MLEC: variants seen among roughly 807,000 people sequenced by gnomAD.
MLEC encodes oligosaccharyltransferase complex subunit (non-catalytic).
A neutral mutation model predicts 28.7 loss-of-function variants in MLEC; 7 were observed. That is an observed-to-expected ratio of 0.24 (90% CI 0.14 to 0.46). MLEC has a LOEUF of 0.46. Among genes scored for constraint, MLEC ranks in the 20% least tolerant of loss-of-function variants. The pLI is 0.99. For missense variants in MLEC, 237 were observed against 391.1 expected, an observed-to-expected ratio of 0.61 and a Z score of 3.32; for synonymous variants, 142 against 164.4, an observed-to-expected ratio of 0.86 and a Z score of 1.04.
At position 120,697,435 on chromosome 12, in the gene MLEC, TCTC is replaced by T. The variant is rs1409423700; in HGVS notation, c.*893_*895del. 2 of 152,678 alleles carry T rather than the reference TCTC, an allele frequency of 1.3e-5. No individual in the cohort carries two copies. Among genetic ancestry groups the T allele is most frequent in the Non-Finnish European group, 2.9e-5 (2 of 68,080 alleles). The allele number at this position is 152,678 out of a possible 1,614,324, so 9.5% of individuals were successfully genotyped here. On this transcript the variant is annotated 3_prime_UTR_variant, in exon 5 of 5. Transcript: ENST00000228506. This position sits in a 1 kb window ranked among gnomAD's most constrained non-coding sequence, Gnocchi z 4.8. Reference sequence around the variant, plus strand: ...TTTGGGGTTCTCTGCTTGAATGTCTTCTCCTTTACCACCTCACCTTGTTGGTAC... The same window carrying T: ...TTTGGGGTTCTCTGCTTGAATGTCTTCTTTACCACCTCACCTTGTTGGTAC...
At chr12:120,688,042 T>A (rs905668506) in intron 1 of MLEC, among the ~76,000 whole-genome samples, 3 of 152,202 alleles carry the variant, frequency 2.0e-5, no homozygotes, top group African/African-American at 7.2e-5. Context: ...CCCGCCCTCT[T>A]TTCGAGCGAA....
Position 120,687,392 on chromosome 12 carries a change from C to T in MLEC, c.96C>T (p.Gly32=). The T allele has an allele frequency of 7.3e-7, 1 of 1,368,642 alleles. No homozygotes were observed. The highest frequency in any genetic ancestry group is 9.4e-7 in the Non-Finnish European group (1 of 1,063,184). 84.8% of individuals were successfully genotyped at this position (1,368,642 alleles called of 1,614,324 possible). The change falls in exon 1 of 5, where the codon GGC becomes GGT. Residue 32 remains glycine (G), a synonymous_variant. Coordinates refer to ENST00000228506, the MANE Select transcript of MLEC (RefSeq NM_014730.4). This position sits in a 1 kb window ranked among gnomAD's most constrained non-coding sequence, Gnocchi z 8.1. ...CGGCGATCCGGGGACCCGGGCTCGG[C>T]GTGGCCGGCGTGGCCGGCGCGGCGG... ...LPPAIRGPGL[G]VAGVAGAAGA...
rs558585649 is a variant in MLEC, at chr12:120,687,187, C to T, written c.-110C>T. 8.3e-6 allele frequency: 10 copies of T among 1,204,296 alleles called. No homozygotes were observed. Among genetic ancestry groups the T allele is most frequent in the Middle Eastern group, 3.1e-4 (1 of 3,236 alleles). The allele number at this position is 1,204,296 out of a possible 1,614,324, so 74.6% of individuals were successfully genotyped here. ...AGGAGGCCTGAGAGCGACATGTCCC[C>T]GGCGGCTCAGGCGGAGCGGCCCGTG... On this transcript the variant is annotated 5_prime_UTR_variant, in exon 1 of 5. Coordinates refer to ENST00000228506, the MANE Select transcript of MLEC (RefSeq NM_014730.4). The surrounding 1 kb of genome is among the most constrained non-coding windows in gnomAD (Gnocchi z 8.1).
Position 120,696,425 on chromosome 12 carries a change from G to C in MLEC, c.759G>C (p.Arg253=), listed in dbSNP as rs149055414. The C allele has an allele frequency of 4.3e-5, 69 of 1,614,076 alleles. No homozygotes were observed. The Admixed American group carries it at 8.0e-4, about 19-fold the overall frequency. ...SNLKKQTNKN[R]VQSGPRTPNP... is the part of the protein sequence containing the mutation. The stretch of plus-strand genomic sequence containing the variant: ...TCAAAAAACAGACCAATAAGAACCG[G>C]GTGCAGTCAGGCCCCCGCACACCCA... Residue 253 remains arginine (R), a synonymous_variant, in exon 5 of 5, where the codon CGG becomes CGC. Coordinates refer to ENST00000228506, the MANE Select transcript of MLEC (RefSeq NM_014730.4). The surrounding 1 kb of genome is among the most constrained non-coding windows in gnomAD (Gnocchi z 5.4).
rs781322742 is a variant in MLEC, at chr12:120,687,420, G to T, written c.124G>T (p.Ala42Ser). The T allele has an allele frequency of 7.2e-7, 1 of 1,397,718 alleles. No homozygotes were observed. Among genetic ancestry groups the T allele is most frequent in the South Asian group, 1.9e-5 (1 of 51,724 alleles). 86.6% of individuals were successfully genotyped at this position (1,397,718 alleles called of 1,614,324 possible). A position where few individuals can be genotyped will look rare whatever the true frequency, so the allele number is the denominator to read the frequency against. The change falls in exon 1 of 5, where the codon GCC becomes TCC. Residue 42 changes from alanine (A) to serine (S), a missense_variant. Coordinates refer to ENST00000228506, the MANE Select transcript of MLEC (RefSeq NM_014730.4). The surrounding 1 kb of genome is among the most constrained non-coding windows in gnomAD (Gnocchi z 8.1). ...GGCCGGCGTGGCCGGCGCGGCGGGG[G>T]CCGGGCTGCCCGAGAGCGTCATTTG... is the stretch of plus-strand genomic sequence containing the variant. ...GVAGVAGAAG[A>S]GLPESVIWAV...
In MLEC at chr12:120,696,378, G is replaced by T; in HGVS notation, c.712G>T (p.Glu238Ter). The T allele has an allele frequency of 6.2e-7, 1 of 1,614,144 alleles. No individual in the cohort carries two copies. The highest frequency in any genetic ancestry group is 8.5e-7 in the Non-Finnish European group (1 of 1,180,020). Residue 238 changes from glutamate to a stop codon, truncating the protein, a stop_gained, in exon 5 of 5, where the codon GAA becomes TAA. Coordinates refer to ENST00000228506, the MANE Select transcript of MLEC (RefSeq NM_014730.4). LOFTEE classifies it high-confidence loss of function. The surrounding 1 kb of genome is among the most constrained non-coding windows in gnomAD (Gnocchi z 5.4). The stretch of plus-strand genomic sequence containing the variant: ...GAAAGAAGAGGAAGAAGAAGAAGAA[G>T]AATATGATGAAGGGTCTAATCTCAA... Reference protein sequence around the residue: ...EKKEEEEEEEEYDEGSNLKKQ... With the variant: ...EKKEEEEEEE
Position 120,696,558 on chromosome 12 carries a change from A to G in MLEC, c.*13A>G, listed in dbSNP as rs983284109. On this transcript the variant is annotated 3_prime_UTR_variant, in exon 5 of 5. Coordinates refer to ENST00000228506, the MANE Select transcript of MLEC (RefSeq NM_014730.4). This position sits in a 1 kb window ranked among gnomAD's most constrained non-coding sequence, Gnocchi z 5.4. ...CTGCCGGTTGTGAGAACAAATGACTATCCTGAACAGGGTGGAGGGGTGTGG... is the reference window on the plus strand; with the variant it reads ...CTGCCGGTTGTGAGAACAAATGACTGTCCTGAACAGGGTGGAGGGGTGTGG... 4 of 1,614,134 alleles carry G rather than the reference A, an allele frequency of 2.5e-6. No individual in the cohort carries two copies. Among genetic ancestry groups the G allele is most frequent in the Non-Finnish European group, 3.4e-6 (4 of 1,180,012 alleles).
At chr12:120,689,482 G>A (rs1168818351) in intron 1 of MLEC, among the ~76,000 whole-genome samples, 1 of 152,234 alleles carries the variant, frequency 6.6e-6, no homozygotes, top group African/African-American at 2.4e-5. Flanking sequence ...AGGCATGGAT[G>A]GGGAGTGGGA....
In MLEC at chr12:120,701,280, G is replaced by A. The variant is rs1882438289; in HGVS notation, c.*4735G>A. 1 of 152,410 alleles carries A rather than the reference G, an allele frequency of 6.6e-6. No individual in the cohort carries two copies. The highest frequency in any genetic ancestry group is 1.5e-5 in the Non-Finnish European group (1 of 68,042). 9.4% of individuals were successfully genotyped at this position (152,410 alleles called of 1,614,324 possible). On this transcript the variant is annotated 3_prime_UTR_variant, in exon 5 of 5. Transcript: ENST00000228506. This position sits in a 1 kb window ranked among gnomAD's most constrained non-coding sequence, Gnocchi z 4.0. Reference sequence around the variant, plus strand: ...AGTTGCGAGGTAGGAGGGGAGCACTGGCAGGGAGAGACATTCTTGACTCCT... The same window carrying A: ...AGTTGCGAGGTAGGAGGGGAGCACTAGCAGGGAGAGACATTCTTGACTCCT...
rs1022149681 is a variant in MLEC, at chr12:120,687,161, A to G, written c.-136A>G. ...GGAGGCGGTACCCGTGGCTGAGAAGAAGGAGGCCTGAGAGCGACATGTCCC... is the reference window on the plus strand; with the variant it reads ...GGAGGCGGTACCCGTGGCTGAGAAGGAGGAGGCCTGAGAGCGACATGTCCC... On this transcript the variant is annotated 5_prime_UTR_variant, in exon 1 of 5. Coordinates refer to ENST00000228506, the MANE Select transcript of MLEC (RefSeq NM_014730.4). The surrounding 1 kb of genome is among the most constrained non-coding windows in gnomAD (Gnocchi z 8.1). The G allele has an allele frequency of 1.2e-5, 12 of 985,006 alleles. No homozygotes were observed. The highest frequency in any genetic ancestry group is 3.4e-5 in the East Asian group (1 of 29,732). The allele number at this position is 985,006 out of a possible 1,614,324, so 61.0% of individuals were successfully genotyped here.
rs75289736 is a variant in MLEC at position 120,696,077 on chromosome 12, G to A, written c.650-239G>A. Among the ~76,000 whole-genome samples the A allele has an allele frequency of 0.016, 2,511 of 152,284 alleles. 32 individuals carry two copies. The highest frequency in any genetic ancestry group is 0.064 in the South Asian group (310 of 4,824). On this transcript the variant is annotated intron_variant, in intron 4 of 4. Coordinates refer to ENST00000228506, the MANE Select transcript of MLEC (RefSeq NM_014730.4). The surrounding 1 kb of genome is among the most constrained non-coding windows in gnomAD (Gnocchi z 5.4). Reference sequence around the variant, plus strand: ...CTTGGGGCTCTGTAAAAGTAGAACAGGAAGGTAAGATAGTGAACCTCCCTA... The same window carrying A: ...CTTGGGGCTCTGTAAAAGTAGAACAAGAAGGTAAGATAGTGAACCTCCCTA...
chr12:120,692,409 T>C (rs1457708296), intron 1 of MLEC, among the ~76,000 whole-genome samples: 1 of 152,100 alleles, frequency 6.6e-6, no homozygotes, highest in East Asian at 1.9e-4. Flanking sequence ...ATCCTTTGTA[T>C]GCATTGCTCA....
At position 120,696,081 on chromosome 12, in the gene MLEC, G is replaced by A. The variant is rs1229670200; in HGVS notation, c.650-235G>A. On this transcript the variant is annotated intron_variant, in intron 4 of 4. Transcript: ENST00000228506. This position sits in a 1 kb window ranked among gnomAD's most constrained non-coding sequence, Gnocchi z 5.4. ...GGGCTCTGTAAAAGTAGAACAGGAA[G>A]GTAAGATAGTGAACCTCCCTATGAG... Among the ~76,000 whole-genome samples the A allele has an allele frequency of 1.3e-5, 2 of 152,208 alleles. No individual in the cohort carries two copies. The highest frequency in any genetic ancestry group is 4.8e-5 in the African/African-American group (2 of 41,434).
intron 4 of MLEC, among the ~76,000 whole-genome samples, chr12:120,695,939 G>A (rs772574256): frequency 2.0e-5 from 3 of 152,192 alleles, no homozygotes; most frequent in Non-Finnish European, 4.4e-5. Flanking sequence ...CTGGGTCAAC[G>A]TTTCTTCAGT....
intron 1 of MLEC, among the ~76,000 whole-genome samples, chr12:120,692,312 A>G (rs180853504): frequency 6.6e-6 from 1 of 152,348 alleles, no homozygotes; most frequent in Admixed American, 6.5e-5. Flanking sequence ...TTGGAAGAGA[A>G]ACAGCAGTCT....
chr12:120,688,627 T>TTC (rs1438024585), intron 1 of MLEC, among the ~76,000 whole-genome samples: 1 of 152,248 alleles, frequency 6.6e-6, no homozygotes, highest in Non-Finnish European at 1.5e-5. Flanking sequence ...ACTCTTCACT[T>TTC]TCTCTCATTC....
rs920271321 is a variant in MLEC at position 120,688,000 on chromosome 12, T to C, written c.235+469T>C. 6.6e-6 allele frequency among the ~76,000 whole-genome samples: 1 copy of C among 152,178 alleles called. No homozygotes were observed. The highest frequency in any genetic ancestry group is 1.5e-5 in the Non-Finnish European group (1 of 68,026). The stretch of plus-strand genomic sequence containing the variant: ...AATAGGAAGGAATCTTCGAAGAGAA[T>C]GGGCCAGGAAAGTTTGATTGTAGCC... On this transcript the variant is annotated intron_variant, in intron 1 of 4. Transcript: ENST00000228506. This position sits in a 1 kb window ranked among gnomAD's most constrained non-coding sequence, Gnocchi z 8.1.
Position 120,695,894 on chromosome 12 carries a change from C to T in MLEC, c.650-422C>T, listed in dbSNP as rs554091485. On this transcript the variant is annotated intron_variant, in intron 4 of 4. Transcript: ENST00000228506. ...TCAAGTCCCTGAGGAGGAGGCAGGACAGAGGGATAGTGTGTGCTGGGAACC... is the reference window on the plus strand; with the variant it reads ...TCAAGTCCCTGAGGAGGAGGCAGGATAGAGGGATAGTGTGTGCTGGGAACC... 2.0e-5 allele frequency among the ~76,000 whole-genome samples: 3 copies of T among 152,290 alleles called. No individual in the cohort carries two copies. In the East Asian group the frequency reaches 5.8e-4, roughly 29 times the overall value.
intron 1 of MLEC, among the ~76,000 whole-genome samples, chr12:120,691,228 G>A (rs1882024636): frequency 6.6e-6 from 1 of 152,212 alleles, no homozygotes; most frequent in African/African-American, 2.4e-5. Context: ...CATTTGTTTA[G>A]TGCTTATCGT....
Sources: gnomAD v4.1 joint callset for allele counts (sites outside exome capture counted in the v4.1 genomes callset) on GRCh38, gnomAD v4.1.1 for gene constraint, Gnocchi (gnomAD v3.1) non-coding constraint, MANE v1.5 for transcripts, NCBI Gene and HGNC (gene_info 2026-07-23, HGNC 2026-07-21) for gene names.